Variants in MTCL2 observed in about 807,000 individuals in gnomAD.
MTCL2 encodes the protein microtubule cross-linking factor 2.
the MTCL2 span, chr20:36,777,721 G>C: frequency 3.4e-5 from 18 of 532,446 alleles, no homozygotes; most frequent in South Asian, 4.7e-4. Flanking sequence ...GGTCCCCCAG[G>C]GCCCATGACT....
At chr20:36,821,987 T>C in the MTCL2 span, among the ~76,000 whole-genome samples, 1 of 152,188 alleles carries the variant, frequency 6.6e-6, no homozygotes, top group Admixed American at 6.5e-5. Flanking sequence ...ATGAGCTGAG[T>C]GGCTTGAATC....
chr20:36,843,387 G>A, the MTCL2 span, among the ~76,000 whole-genome samples: 213 of 152,268 alleles, frequency 1.4e-3, 1 homozygote, highest in African/African-American at 4.5e-3. Flanking sequence ...CCTGCCCATC[G>A]GTTTGACTCC....
chr20:36,817,547 G>C, the MTCL2 span: 1 of 1,399,436 alleles, frequency 7.1e-7, no homozygotes, highest in Middle Eastern at 1.9e-4. Flanking sequence ...GCAGAGAGCT[G>C]TCACAGTGCC....
At chr20:36,788,639 A>AAAAT in the MTCL2 span, among the ~76,000 whole-genome samples, 45 of 152,236 alleles carry the variant, frequency 3.0e-4, no homozygotes, top group Admixed American at 1.4e-3. Context: ...CTCCGTCTCA[A>AAAAT]AAATAAATAA....
At chr20:36,812,561 G>T in the MTCL2 span, 2 of 1,056,448 alleles carry the variant, frequency 1.9e-6, no homozygotes, top group Non-Finnish European at 2.6e-6. Context: ...TTCTGGCCTT[G>T]GCTGCCAAGA....
chr20:36,798,757 C>T, the MTCL2 span, among the ~76,000 whole-genome samples: 1 of 152,160 alleles, frequency 6.6e-6, no homozygotes, highest in African/African-American at 2.4e-5. Flanking sequence ...GTTTCTTCCC[C>T]TTCCCCATCC....
At chr20:36,810,717 C>CCTCTCTCCCTCTCTCTCT in the MTCL2 span, among the ~76,000 whole-genome samples, 14 of 94,190 alleles carry the variant, frequency 1.5e-4, no homozygotes, top group East Asian at 6.2e-4. Flanking sequence ...TCTCTCTCTC[C>CCTCTCTCCCTCTCTCTCT]CTCTCTCTCT....
chr20:36,778,024 C>T, the MTCL2 span: 1 of 475,944 alleles, frequency 2.1e-6, no homozygotes, highest in African/African-American at 2.0e-5. Flanking sequence ...TCTTCTGCCT[C>T]CTGCCTCCCC....
At chr20:36,826,567 G>A in the MTCL2 span, among the ~76,000 whole-genome samples, 2 of 151,176 alleles carry the variant, frequency 1.3e-5, no homozygotes, top group East Asian at 1.9e-4. Flanking sequence ...TTGTAGAGAC[G>A]GGGTTTTGCC....
the MTCL2 span, among the ~76,000 whole-genome samples, chr20:36,819,395 T>C: frequency 3.9e-5 from 6 of 152,306 alleles, no homozygotes; most frequent in East Asian, 1.2e-3. Context: ...TGACAGCCAC[T>C]GATCTAATCT....
the MTCL2 span, chr20:36,779,790 A>G: frequency 1.3e-5 from 2 of 152,328 alleles, no homozygotes; most frequent in African/African-American, 4.8e-5. Context: ...AATCCGCACG[A>G]GGCAGCAGTG....
At chr20:36,797,420 T>C in the MTCL2 span, 2 of 1,435,384 alleles carry the variant, frequency 1.4e-6, no homozygotes, top group South Asian at 1.2e-5. Context: ...GGTTAGCAAC[T>C]TCCTCTCATG....
the MTCL2 span, among the ~76,000 whole-genome samples, chr20:36,851,109 A>G: frequency 2.6e-5 from 4 of 152,196 alleles, no homozygotes; most frequent in African/African-American, 9.7e-5. Flanking sequence ...GAACTGTTCT[A>G]TATCTTGGTT....
chr20:36,835,691 C>G, the MTCL2 span, among the ~76,000 whole-genome samples: 16 of 152,318 alleles, frequency 1.1e-4, no homozygotes, highest in East Asian at 3.1e-3. Flanking sequence ...GCTCAGGCCC[C>G]AGGCCCGCAG....
At chr20:36,829,331 G>A in the MTCL2 span, 8 of 962,924 alleles carry the variant, frequency 8.3e-6, no homozygotes, top group African/African-American at 3.3e-5. Context: ...GGTTCCTATC[G>A]CATCACTGCC....
chr20:36,850,711 G>C, the MTCL2 span, among the ~76,000 whole-genome samples: 1 of 152,292 alleles, frequency 6.6e-6, no homozygotes, highest in South Asian at 2.1e-4. Context: ...ATTCAGTACA[G>C]TGAGTGATTT....
chr20:36,808,067 G>A, the MTCL2 span, among the ~76,000 whole-genome samples: 1 of 149,664 alleles, frequency 6.7e-6, no homozygotes, highest in Non-Finnish European at 1.5e-5. Flanking sequence ...AGTAGAGACG[G>A]GGTTTCACCA....
At chr20:36,814,186 G>C in the MTCL2 span, among the ~76,000 whole-genome samples, 5 of 152,154 alleles carry the variant, frequency 3.3e-5, no homozygotes, top group Admixed American at 3.3e-4. Flanking sequence ...AGGACCATGA[G>C]AGGGGGAATC....
chr20:36,795,060 T>C, the MTCL2 span, among the ~76,000 whole-genome samples: 2 of 151,888 alleles, frequency 1.3e-5, no homozygotes, highest in Non-Finnish European at 2.9e-5. Context: ...TGTCTCAGCA[T>C]CCGGAGCAGA....
Sources: gnomAD v4.1 joint callset for allele counts (sites outside exome capture counted in the v4.1 genomes callset) on GRCh38, gnomAD v4.1.1 for gene constraint, MANE v1.5 for transcripts, NCBI Gene and HGNC (gene_info 2026-07-23, HGNC 2026-07-21) for gene names.